The following KCNJ6 variants were observed in gnomAD, a reference collection of about 807,000 sequenced individuals.
KCNJ6 encodes the protein G protein-activated inward rectifier potassium channel 2.
Under a neutral mutation model 34.2 loss-of-function variants are expected in KCNJ6, and 9 were observed. The ratio of observed to expected loss-of-function variants is 0.26; its 90% CI spans 0.16 to 0.46. The LOEUF is 0.46. Ranked by LOEUF, KCNJ6 falls within the 20% of genes least tolerant of loss-of-function variation. The pLI is 1.00. For missense variants in KCNJ6, 236 were observed against 531.3 expected (o/e 0.44, Z 5.46); for synonymous variants, 196 against 207.1 (o/e 0.95, Z 0.46).
intron 3 of KCNJ6, among the ~76,000 whole-genome samples, chr21:37,645,912 C>T (rs1375231734): frequency 7.2e-6 from 1 of 139,742 alleles, no homozygotes; most frequent in African/African-American, 2.7e-5. Context: ...TCGGACTTAA[C>T]AGTGAACAGT....
chr21:37,693,812 C>T (rs1040670705), intron 3 of KCNJ6, among the ~76,000 whole-genome samples: 5 of 152,162 alleles, frequency 3.3e-5, no homozygotes, highest in African/African-American at 1.2e-4. Flanking sequence ...TCCTCATGCC[C>T]TCCCTCCAGC....
At chr21:37,687,179 C>A (rs886219209) in intron 3 of KCNJ6, among the ~76,000 whole-genome samples, 13 of 152,028 alleles carry the variant, frequency 8.6e-5, no homozygotes, top group African/African-American at 2.7e-4. Context: ...ACCTGGGCCT[C>A]TTGGGCCTGG....
chr21:37,913,516 A>C (rs536797845), intron 1 of KCNJ6, among the ~76,000 whole-genome samples: 2 of 152,024 alleles, frequency 1.3e-5, no homozygotes, highest in Admixed American at 1.3e-4. Flanking sequence ...CAGTCCTAGG[A>C]CCCTTAGAAA....
chr21:37,634,545 C>T (rs975378625), intron 3 of KCNJ6, among the ~76,000 whole-genome samples: 1 of 152,050 alleles, frequency 6.6e-6, no homozygotes, highest in Non-Finnish European at 1.5e-5. Flanking sequence ...GGAAACAACC[C>T]AACTGTCCAT....
chr21:37,663,625 G>A (rs908356287), intron 3 of KCNJ6, among the ~76,000 whole-genome samples: 3 of 152,082 alleles, frequency 2.0e-5, no homozygotes, highest in African/African-American at 7.2e-5. Flanking sequence ...CATGGATGAA[G>A]GCAAAAGGTA....
At chr21:37,801,529 G>T (rs1568853569) in intron 2 of KCNJ6, among the ~76,000 whole-genome samples, 1 of 152,176 alleles carries the variant, frequency 6.6e-6, no homozygotes, top group Non-Finnish European at 1.5e-5. Context: ...CCCAGGGCAT[G>T]GGCTCACCAC....
intron 2 of KCNJ6, among the ~76,000 whole-genome samples, chr21:37,752,016 G>A (rs1373866174): frequency 6.6e-6 from 1 of 152,190 alleles, no homozygotes; most frequent in Non-Finnish European, 1.5e-5. Flanking sequence ...GGGCAGTGAT[G>A]GAAAGCTATC....
rs1222958200 is a variant in KCNJ6, at chr21:37,854,217, A to T, written c.-27-13508T>A. On this transcript the variant is annotated intron_variant, in intron 1 of 3. Coordinates refer to ENST00000609713, the MANE Select transcript of KCNJ6 (RefSeq NM_002240.5). ...TCACTTCAAATATAATGGTATGGGT[A>T]GATTGAAAGTAAAAAGATGGAAAAA... 2.0e-5 allele frequency among the ~76,000 whole-genome samples: 3 copies of T among 152,048 alleles called. No homozygotes were observed. The East Asian group carries it at 5.8e-4, about 29-fold the overall frequency.
chr21:37,694,081 G>A (rs746639081), intron 3 of KCNJ6, among the ~76,000 whole-genome samples: 2 of 152,208 alleles, frequency 1.3e-5, no homozygotes, highest in Non-Finnish European at 2.9e-5. Flanking sequence ...CCAGAGGGGC[G>A]TGGGAAGTAA....
intron 3 of KCNJ6, among the ~76,000 whole-genome samples, chr21:37,694,366 A>G (rs1394666954): frequency 6.6e-6 from 1 of 152,180 alleles, no homozygotes; most frequent in Non-Finnish European, 1.5e-5. Context: ...TCAAATAGAG[A>G]AGGGGCATGG....
At chr21:37,720,874 A>AT (rs1421642794) in intron 2 of KCNJ6, among the ~76,000 whole-genome samples, 74 of 151,182 alleles carry the variant, frequency 4.9e-4, no homozygotes, top group African/African-American at 1.8e-3. Context: ...CGCCCGGCTA[A>AT]TTTTTTGTAT....
Position 37,739,846 on chromosome 21 carries a change from G to A in KCNJ6, c.26-24715C>T, listed in dbSNP as rs190511057. ...ACTGGGAGAGGGCAGTGTACCATTG[G>A]CTTGGGTAAATATTCATTTTATTTA... On this transcript the variant is annotated intron_variant, in intron 2 of 3. Coordinates refer to ENST00000609713, the MANE Select transcript of KCNJ6 (RefSeq NM_002240.5). Among the ~76,000 whole-genome samples, 286 of 152,036 alleles carry A rather than the reference G, an allele frequency of 1.9e-3. 2 individuals carry two copies. Among genetic ancestry groups the A allele is most frequent in the African/African-American group, 5.9e-3 (243 of 41,426 alleles).
chr21:37,689,357 G>A (rs2054629484), intron 3 of KCNJ6, among the ~76,000 whole-genome samples: 1 of 151,744 alleles, frequency 6.6e-6, no homozygotes, highest in African/African-American at 2.4e-5. Flanking sequence ...TCACTTGGAA[G>A]CAAATTCATA....
intron 2 of KCNJ6, among the ~76,000 whole-genome samples, chr21:37,812,750 A>C (rs764428201): frequency 1.3e-5 from 2 of 152,214 alleles, no homozygotes; most frequent in Non-Finnish European, 2.9e-5. Flanking sequence ...AACTGAGTAT[A>C]GAAGAAATAT....
intron 1 of KCNJ6, among the ~76,000 whole-genome samples, chr21:37,855,195 TC>T (rs1344935915): frequency 5.3e-5 from 8 of 152,350 alleles, no homozygotes; most frequent in African/African-American, 1.4e-4. Context: ...TTCTTCTTTT[TC>T]TCTTTTTTAC....
intron 2 of KCNJ6, chr21:37,716,955 T>G (rs2123454075): frequency 6.5e-6 from 1 of 154,518 alleles, no homozygotes; most frequent in East Asian, 1.9e-4. Flanking sequence ...TTTTTAATCT[T>G]GGTTAAAGGA....
chr21:37,766,316 C>T (rs573247228), intron 2 of KCNJ6, among the ~76,000 whole-genome samples: 92 of 152,130 alleles, frequency 6.0e-4, no homozygotes, highest in Non-Finnish European at 9.7e-4. Context: ...AGTCCTGTCT[C>T]CAGGGTTTGA....
chr21:37,871,267 T>C (rs1161555598), intron 1 of KCNJ6, among the ~76,000 whole-genome samples: 14 of 152,292 alleles, frequency 9.2e-5, no homozygotes, highest in Middle Eastern at 3.4e-3. Flanking sequence ...ATAGCCATGA[T>C]AGTCATTGAA....
intron 2 of KCNJ6, among the ~76,000 whole-genome samples, chr21:37,751,265 T>C (rs2054993884): frequency 6.6e-6 from 1 of 152,242 alleles, no homozygotes; most frequent in African/African-American, 2.4e-5. Flanking sequence ...GAATATTTTA[T>C]GCCTAAAATA....
Sources: gnomAD v4.1 joint callset for allele counts (sites outside exome capture counted in the v4.1 genomes callset) on GRCh38, gnomAD v4.1.1 for gene constraint, MANE v1.5 for transcripts, NCBI Gene and HGNC (gene_info 2026-07-23, HGNC 2026-07-21) for gene names.